Variants in FKBP6 observed in about 807,000 individuals in gnomAD.
The protein encoded by FKBP6 is FKBP prolyl isomerase family member 6 (inactive), also known as inactive peptidyl-prolyl cis-trans isomerase FKBP6.
Under a neutral mutation model 41.7 loss-of-function variants are expected in FKBP6, and 29 were observed. The observed-to-expected ratio is 0.70, with a 90% CI of 0.52 to 0.95. The LOEUF is 0.95. FKBP6 is among the 40% of genes least tolerant of loss of function. FKBP6 has a pLI of 0.00. For missense variants in FKBP6, 338 were observed against 408.7 expected (o/e 0.83, Z 1.49); for synonymous variants, 130 against 165.1 (o/e 0.79, Z 1.63).
Position 73,345,303 on chromosome 7 carries a change from TG to T in FKBP6, c.*2+2407del, listed in dbSNP as rs202135016. ...AGTTGAGGAGGAGTTTGGCAGTCCT[TG>T]GGCAGACAGTGACCAGGCAGCTCTG... is the stretch of plus-strand genomic sequence containing the variant. On this transcript the variant is annotated intron_variant, in intron 8 of 8. Transcript: ENST00000252037. 3.9e-3 allele frequency among the ~76,000 whole-genome samples: 595 copies of T among 151,952 alleles called. 2 individuals are homozygous for T. The highest frequency in any genetic ancestry group is 8.7e-3 in the Admixed American group (133 of 15,254).
rs1804845625 is a variant in FKBP6 at position 73,331,641 on chromosome 7, T to C, written c.469-16T>C. 3.1e-6 allele frequency: 5 copies of C among 1,613,752 alleles called. No individual in the cohort carries two copies. Among genetic ancestry groups the C allele is most frequent in the Middle Eastern group, 1.6e-4 (1 of 6,082 alleles). On this transcript the variant is annotated splice_polypyrimidine_tract_variant and intron_variant, in intron 4 of 8. Coordinates refer to ENST00000252037, the MANE Select transcript of FKBP6 (RefSeq NM_003602.5). Reference sequence around the variant, plus strand: ...TTTTGGTTTCCTTGCTGAATATTCCTGTCTCTGGTCCTCAGGAGCAGCAAG... The same window carrying C: ...TTTTGGTTTCCTTGCTGAATATTCCCGTCTCTGGTCCTCAGGAGCAGCAAG...
Position 73,330,275 on chromosome 7 carries a change from A to G in FKBP6, c.391A>G (p.Thr131Ala), listed in dbSNP as rs1554547440. Residue 131 changes from threonine to alanine, a missense_variant, in exon 4 of 9, where the codon ACC (threonine) becomes GCC (alanine). By Grantham distance (58) the Thr-to-Ala change is moderately conservative. Transcript: ENST00000252037. ...CTGCCCTCCCTTGATCCCCCCAAAC[A>G]CCACTGTCCTGTTTGAGATTGAGCT... Reference protein sequence around the residue: ...LGCPPLIPPNTTVLFEIELLD... With the variant: ...LGCPPLIPPNATVLFEIELLD... 1.2e-6 allele frequency: 2 copies of G among 1,614,014 alleles called. No individual in the cohort carries two copies. The highest frequency in any genetic ancestry group is 2.2e-5 in the South Asian group (2 of 91,076).
intron 8 of FKBP6, among the ~76,000 whole-genome samples, chr7:73,343,236 A>G (rs1295697865): frequency 6.6e-6 from 1 of 152,184 alleles, no homozygotes. Context: ...GCTCACTGCA[A>G]GCTCCGCCTC....
At chr7:73,354,879 AG>A (rs1554551682) in intron 8 of FKBP6, among the ~76,000 whole-genome samples, 5 of 152,150 alleles carry the variant, frequency 3.3e-5, no homozygotes, top group Non-Finnish European at 5.9e-5. Context: ...TGGGGCTGCG[AG>A]GCAGGGCTGG....
At chr7:73,335,705 T>C (rs1804986351) in intron 5 of FKBP6, among the ~76,000 whole-genome samples, 1 of 152,108 alleles carries the variant, frequency 6.6e-6, no homozygotes, top group African/African-American at 2.4e-5. Context: ...CCTAGGTCTC[T>C]CCAGGCTCTG....
rs1554549522 is a variant in FKBP6 at position 73,341,308 on chromosome 7, G to T, written c.819G>T (p.Arg273=). 6.2e-7 allele frequency: 1 copy of T among 1,613,712 alleles called. No homozygotes were observed. The highest frequency in any genetic ancestry group is 1.7e-5 in the Admixed American group (1 of 60,004). Residue 273 remains arginine, a synonymous_variant, in exon 7 of 9, where the codon CGG becomes CGT. Transcript: ENST00000252037. ...CLLLTEYQKA[R]DFLVRAQKEQ... Reference sequence around the variant, plus strand: ...TCCTGACTGAGTATCAAAAGGCCCGGGATTTTCTAGTTCGAGCCCAGAAGG... The same window carrying T: ...TCCTGACTGAGTATCAAAAGGCCCGTGATTTTCTAGTTCGAGCCCAGAAGG...
chr7:73,328,501 T>C lies in FKBP6; in HGVS notation c.57+16T>C, dbSNP rs1481917037. On this transcript the variant is annotated intron_variant, in intron 1 of 8. Coordinates refer to ENST00000252037, the MANE Select transcript of FKBP6 (RefSeq NM_003602.5). ...CCCCGGCCAGGTGAGGGCCCAGACGTTTCGGGGGCGTAGACGCTGAGGGGT... is the reference window on the plus strand; with the variant it reads ...CCCCGGCCAGGTGAGGGCCCAGACGCTTCGGGGGCGTAGACGCTGAGGGGT... 3.2e-6 allele frequency: 5 copies of C among 1,558,078 alleles called. No individual in the cohort carries two copies. Among genetic ancestry groups the C allele is most frequent in the Non-Finnish European group, 4.3e-6 (5 of 1,149,696 alleles).
intron 8 of FKBP6, among the ~76,000 whole-genome samples, chr7:73,344,996 G>A (rs1805296013): frequency 6.6e-6 from 1 of 152,166 alleles, no homozygotes; most frequent in Non-Finnish European, 1.5e-5. Context: ...TGTGCTCTAA[G>A]CCTCTGACTA....
Position 73,340,796 on chromosome 7 carries a change from C to T in FKBP6, c.747C>T (p.Asp249=), listed in dbSNP as rs1554549374. Residue 249 remains aspartate, a synonymous_variant, in exon 6 of 9, where the codon GAC becomes GAT. Coordinates refer to ENST00000252037, the MANE Select transcript of FKBP6 (RefSeq NM_003602.5). ...ATGGAGAGCAGGCTTTGATCATTGA[C>T]CAAAAGAATGCCAAGGCCCTCTTCA... ...LCYGEQALII[D]QKNAKALFRC... 3.1e-6 allele frequency: 5 copies of T among 1,613,930 alleles called. No individual in the cohort carries two copies. In the South Asian group the frequency reaches 5.5e-5, roughly 18 times the overall value.
intron 8 of FKBP6, among the ~76,000 whole-genome samples, chr7:73,350,894 C>T (rs1483356409): frequency 6.6e-6 from 1 of 152,024 alleles, no homozygotes; most frequent in Non-Finnish European, 1.5e-5. Flanking sequence ...CAGGAAACCC[C>T]GGGAGCAGAT....
At chr7:73,329,647 C>A (rs1583794828) in intron 3 of FKBP6, 198 bp downstream of exon 3, 17 of 616,732 alleles carry the variant, frequency 2.8e-5, no homozygotes, top group South Asian at 2.3e-4. Flanking sequence ...AAGGTATAAT[C>A]TTTGCACTCT....
chr7:73,346,129 C>T (rs1301312077), intron 8 of FKBP6, among the ~76,000 whole-genome samples: 3 of 152,190 alleles, frequency 2.0e-5, no homozygotes, highest in Non-Finnish European at 2.9e-5. Context: ...GGAGGGGCCT[C>T]GTTCAAGAGC....
rs1348574543 is a variant in FKBP6 at position 73,341,449 on chromosome 7, C to G, written c.893+67C>G. ...TTGTGACTCTGGTCTGTCCCCCCAC[C>G]CCCCCCAACAAAGGACAGTCTGGCG... is the stretch of plus-strand genomic sequence containing the variant. On this transcript the variant is annotated intron_variant, in intron 7 of 8. Transcript: ENST00000252037. 5.1e-5 allele frequency: 50 copies of G among 973,816 alleles called. 1 individual carries two copies. In the East Asian group the frequency reaches 6.0e-4, roughly 12 times the overall value. 60.3% of individuals were successfully genotyped at this position (973,816 alleles called of 1,614,324 possible). A position where few individuals can be genotyped will look rare whatever the true frequency, so the allele number is the denominator to read the frequency against.
chr7:73,350,777 G>T (rs1299547086), intron 8 of FKBP6, among the ~76,000 whole-genome samples: 1 of 152,122 alleles, frequency 6.6e-6, no homozygotes, highest in Non-Finnish European at 1.5e-5. Flanking sequence ...CCGGAGCAGC[G>T]GGCCCTCAGC....
At chr7:73,350,917 C>G (rs1306277871) in intron 8 of FKBP6, among the ~76,000 whole-genome samples, 1 of 152,132 alleles carries the variant, frequency 6.6e-6, no homozygotes, top group African/African-American at 2.4e-5. Context: ...TCATCTCTCT[C>G]GGTATGTGAC....
chr7:73,353,310 C>T (rs986320974), intron 8 of FKBP6, among the ~76,000 whole-genome samples: 49 of 152,272 alleles, frequency 3.2e-4, no homozygotes, highest in African/African-American at 8.2e-4. Flanking sequence ...TCGTGGGTTC[C>T]GGGAATTGGA....
chr7:73,330,009 G>A, intron 3 of FKBP6, 141 bp from the exon 4 acceptor site: 1 of 721,380 alleles, frequency 1.4e-6, no homozygotes, highest in Non-Finnish European at 2.5e-6. Context: ...ACAGGCTCAG[G>A]AGGAAGACAT....
intron 5 of FKBP6, among the ~76,000 whole-genome samples, chr7:73,336,259 C>G (rs1554548544): frequency 2.0e-5 from 3 of 152,158 alleles, no homozygotes; most frequent in South Asian, 2.1e-4. Context: ...CTGTCTTGTC[C>G]TTTCCACCAT....
intron 8 of FKBP6, among the ~76,000 whole-genome samples, chr7:73,345,986 G>A (rs77369935): frequency 7.0e-4 from 107 of 152,260 alleles, no homozygotes; most frequent in African/African-American, 2.4e-3. Context: ...CTTCCTGGTC[G>A]TTTTTACCAT....
Sources: gnomAD v4.1 joint callset for allele counts (sites outside exome capture counted in the v4.1 genomes callset) on GRCh38, gnomAD v4.1.1 for gene constraint, MANE v1.5 for transcripts, NCBI Gene and HGNC (gene_info 2026-07-23, HGNC 2026-07-21) for gene names.